FAT3: variants seen among roughly 807,000 people sequenced by gnomAD.
FAT3 encodes the protein protocadherin Fat 3.
In FAT3, 95 loss-of-function variants were observed where a neutral mutation model predicts 310.2. That is an observed-to-expected ratio of 0.31 (90% confidence interval 0.26 to 0.36). The LOEUF is 0.36. FAT3 is among the 10% of genes least tolerant of loss of function. The pLI is 1.00. For synonymous variants in FAT3, 2,314 were observed against 2,192.9 expected, an observed-to-expected ratio of 1.06 and a Z score of -1.54; for missense variants, 5,408 against 5,715.6, an observed-to-expected ratio of 0.95 and a Z score of 1.74.
chr11:92,400,912 C>A (rs1949999305), intron 2 of FAT3, among the ~76,000 whole-genome samples: 1 of 151,818 alleles, frequency 6.6e-6, no homozygotes, highest in Non-Finnish European at 1.5e-5. Flanking sequence ...ATTTACAAAA[C>A]CTAAATGAAA....
chr11:92,475,538 GA>G (rs1353500267), intron 2 of FAT3, among the ~76,000 whole-genome samples: 1 of 151,792 alleles, frequency 6.6e-6, no homozygotes, highest in African/African-American at 2.4e-5. Context: ...ACAAAGCCTT[GA>G]AACTCTCACT....
Position 92,891,020 on chromosome 11 carries a change from A to G in FAT3, c.13677A>G (p.Glu4559=), listed in dbSNP as rs750695376. 1.2e-6 allele frequency: 2 copies of G among 1,613,910 alleles called. No individual in the cohort carries two copies. The highest frequency in any genetic ancestry group is 1.7e-6 in the Non-Finnish European group (2 of 1,179,860). ...VSANCGFDDS[E]VAMSDYESVG... ...CCAACTGCGGCTTTGACGATTCCGA[A>G]GTAGCCATGAGTGACTACGAGAGCG... Residue 4559 remains glutamate, a synonymous_variant, in exon 28 of 28, where the codon GAA becomes GAG. Transcript: ENST00000525166.
chr11:92,231,862 C>T (rs1416059883), intron 1 of FAT3, among the ~76,000 whole-genome samples: 1 of 151,258 alleles, frequency 6.6e-6, no homozygotes, highest in African/African-American at 2.4e-5. Flanking sequence ...TCTTTCAAAG[C>T]AAAATGAGGC....
chr11:92,417,102 C>T (rs928514176), intron 2 of FAT3, among the ~76,000 whole-genome samples: 17 of 152,162 alleles, frequency 1.1e-4, no homozygotes, highest in African/African-American at 3.9e-4. Flanking sequence ...AGGTGAATTT[C>T]TACACGTCAC....
chr11:92,272,478 G>A lies in FAT3; in HGVS notation c.-18+47304G>A, dbSNP rs142578902. On this transcript the variant is annotated intron_variant, in intron 1 of 27. Coordinates refer to ENST00000525166, the MANE Select transcript of FAT3 (RefSeq NM_001367949.2). ...TGGTCAGGGAGATAAATGAGACATGGATCCTATTGCTCAAGGAGCTTCTAA... is the reference window on the plus strand; with the variant it reads ...TGGTCAGGGAGATAAATGAGACATGAATCCTATTGCTCAAGGAGCTTCTAA... Among the ~76,000 whole-genome samples, 41 of 152,196 alleles carry A rather than the reference G, an allele frequency of 2.7e-4. No homozygotes were observed. In the East Asian group the frequency reaches 6.0e-3, roughly 22 times the overall value.
chr11:92,732,258 T>A (rs1219879892), intron 4 of FAT3, among the ~76,000 whole-genome samples: 1 of 152,204 alleles, frequency 6.6e-6, no homozygotes. Context: ...GCTATTAGAA[T>A]CTATTTATAG....
At chr11:92,269,096 T>C (rs1456003214) in intron 1 of FAT3, among the ~76,000 whole-genome samples, 1 of 152,152 alleles carries the variant, frequency 6.6e-6, no homozygotes, top group Non-Finnish European at 1.5e-5. Context: ...GTCACAACAC[T>C]ATTTATTGAA....
intron 1 of FAT3, among the ~76,000 whole-genome samples, chr11:92,289,386 T>C (rs973161416): frequency 6.6e-6 from 1 of 151,912 alleles, no homozygotes; most frequent in African/African-American, 2.4e-5. Flanking sequence ...ATGTCACATG[T>C]CCAAGATGGA....
chr11:92,668,399 G>A (rs1176586612), intron 3 of FAT3, among the ~76,000 whole-genome samples: 1 of 152,202 alleles, frequency 6.6e-6, no homozygotes, highest in African/African-American at 2.4e-5. Flanking sequence ...TAGGATATCA[G>A]AGTGGGCATG....
intron 4 of FAT3, among the ~76,000 whole-genome samples, chr11:92,728,316 A>T (rs1945061263): frequency 6.6e-6 from 1 of 152,214 alleles, no homozygotes; most frequent in African/African-American, 2.4e-5. Flanking sequence ...TTTAAAAAAG[A>T]TAAATGAAAG....
chr11:92,558,551 T>G (rs2135461224), intron 3 of FAT3, among the ~76,000 whole-genome samples: 1 of 152,300 alleles, frequency 6.6e-6, no homozygotes, highest in Admixed American at 6.5e-5. Flanking sequence ...GTCTCTGGCA[T>G]GAAGCAGGCT....
chr11:92,688,826 A>G (rs1943710483), intron 3 of FAT3, among the ~76,000 whole-genome samples: 1 of 152,216 alleles, frequency 6.6e-6, no homozygotes, highest in South Asian at 2.1e-4. Flanking sequence ...GTAACCATGC[A>G]TGGATAAAGG....
intron 1 of FAT3, among the ~76,000 whole-genome samples, chr11:92,251,025 C>G (rs894874755): frequency 6.6e-6 from 1 of 152,098 alleles, no homozygotes; most frequent in Non-Finnish European, 1.5e-5. Flanking sequence ...CAGTCAAATT[C>G]TATGGTACAT....
intron 3 of FAT3, among the ~76,000 whole-genome samples, chr11:92,638,311 G>A (rs185013082): frequency 6.6e-6 from 1 of 152,288 alleles, no homozygotes; most frequent in Non-Finnish European, 1.5e-5. Flanking sequence ...TGAACCAAAT[G>A]CAGTAAAGCA....
rs558587749 is a variant in FAT3 at position 92,445,550 on chromosome 11, G to A, written c.3293-79084G>A. Reference sequence around the variant, plus strand: ...AGCCAACCCATATGGATCAATAATGGTCCACTGTGACTCACCCTTAGAATC... The same window carrying A: ...AGCCAACCCATATGGATCAATAATGATCCACTGTGACTCACCCTTAGAATC... On this transcript the variant is annotated intron_variant, in intron 2 of 27. Coordinates refer to ENST00000525166, the MANE Select transcript of FAT3 (RefSeq NM_001367949.2). Among the ~76,000 whole-genome samples the A allele has an allele frequency of 2.6e-5, 4 of 152,170 alleles. No individual in the cohort carries two copies. The South Asian group carries it at 8.3e-4, about 32-fold the overall frequency.
chr11:92,678,098 A>G (rs1239427758), intron 3 of FAT3, among the ~76,000 whole-genome samples: 1 of 152,184 alleles, frequency 6.6e-6, no homozygotes, highest in Non-Finnish European at 1.5e-5. Flanking sequence ...ATGTGTAACT[A>G]CAAATCACCC....
At chr11:92,718,259 G>T (rs1278525184) in intron 4 of FAT3, among the ~76,000 whole-genome samples, 1 of 152,154 alleles carries the variant, frequency 6.6e-6, no homozygotes, top group African/African-American at 2.4e-5. Flanking sequence ...TATATGTAAA[G>T]GTTTATTACT....
chr11:92,727,020 A>T (rs1409318008), intron 4 of FAT3, among the ~76,000 whole-genome samples: 1 of 152,148 alleles, frequency 6.6e-6, no homozygotes, highest in Non-Finnish European at 1.5e-5. Context: ...AAATGAAAAA[A>T]TTGTCATCTA....
intron 1 of FAT3, among the ~76,000 whole-genome samples, chr11:92,233,027 C>A (rs1365053984): frequency 6.6e-6 from 1 of 152,084 alleles, no homozygotes; most frequent in East Asian, 1.9e-4. Context: ...ATACAGAAGA[C>A]TGAAATTCTT....
Sources: gnomAD v4.1 joint callset for allele counts (sites outside exome capture counted in the v4.1 genomes callset) on GRCh38, gnomAD v4.1.1 for gene constraint, MANE v1.5 for transcripts, NCBI Gene and HGNC (gene_info 2026-07-23, HGNC 2026-07-21) for gene names.